PAPPA2: variants seen among roughly 807,000 people sequenced by gnomAD.
The protein encoded by PAPPA2 is pappalysin-2.
Under a neutral mutation model 176.4 loss-of-function variants are expected in PAPPA2, and 86 were observed. That is an observed-to-expected ratio of 0.49 (90% CI 0.41 to 0.58). PAPPA2 has a LOEUF of 0.58. Among genes scored for constraint, PAPPA2 ranks in the 20% least tolerant of loss-of-function variants. The pLI, the probability that PAPPA2 is intolerant of heterozygous loss-of-function variation, is 0.00. For missense variants in PAPPA2, 2,073 were observed against 2,256.9 expected, an observed-to-expected ratio of 0.92 and a Z score of 1.65; for synonymous variants, 809 against 852.2, an observed-to-expected ratio of 0.95 and a Z score of 0.88.
At chr1:176,743,708 A>G (rs948808917) in intron 14 of PAPPA2, among the ~76,000 whole-genome samples, 1 of 152,222 alleles carries the variant, frequency 6.6e-6, no homozygotes, top group African/African-American at 2.4e-5. Context: ...TTACAGACAA[A>G]CAGGACTCTT....
chr1:176,539,752 T>C (rs951530100), intron 1 of PAPPA2, among the ~76,000 whole-genome samples: 1 of 152,216 alleles, frequency 6.6e-6, no homozygotes, highest in Non-Finnish European at 1.5e-5. Context: ...TTTGGACACC[T>C]GATCTTCTGC....
chr1:176,677,319 A>C (rs1384510852), intron 4 of PAPPA2, among the ~76,000 whole-genome samples: 2 of 152,190 alleles, frequency 1.3e-5, no homozygotes, highest in Non-Finnish European at 2.9e-5. Flanking sequence ...GCAGATAAGC[A>C]CACTAGCCTG....
chr1:176,502,022 G>T (rs1647990911), intron 1 of PAPPA2, among the ~76,000 whole-genome samples: 1 of 152,172 alleles, frequency 6.6e-6, no homozygotes, highest in African/African-American at 2.4e-5. Context: ...AACTTCTGAT[G>T]TAAGTTTTTT....
chr1:176,825,323 G>A (rs1666815221), intron 21 of PAPPA2, among the ~76,000 whole-genome samples: 1 of 152,136 alleles, frequency 6.6e-6, no homozygotes, highest in African/African-American at 2.4e-5. Flanking sequence ...TAATTTTAGG[G>A]GTGTTATGCA....
intron 17 of PAPPA2, among the ~76,000 whole-genome samples, chr1:176,773,344 G>C (rs1375915073): frequency 6.6e-6 from 1 of 152,162 alleles, no homozygotes; most frequent in Non-Finnish European, 1.5e-5. Flanking sequence ...ATGTCAGCCT[G>C]GTTCCTTGTA....
chr1:176,814,520 C>T (rs989119513), intron 21 of PAPPA2, among the ~76,000 whole-genome samples: 1 of 151,880 alleles, frequency 6.6e-6, no homozygotes, highest in African/African-American at 2.4e-5. Context: ...AGCTGTATTC[C>T]TAGGTATTTT....
chr1:176,746,700 G>A (rs761853128), intron 14 of PAPPA2, among the ~76,000 whole-genome samples: 3 of 152,078 alleles, frequency 2.0e-5, no homozygotes, highest in Admixed American at 6.6e-5. Context: ...TGATTGAGAT[G>A]GAAAACAAGT....
rs1665294828 is a variant in PAPPA2, at chr1:176,793,775, GCAAA to G, written c.5130+110_5130+113del. 4.0e-6 allele frequency: 3 copies of G among 749,324 alleles called. No individual in the cohort carries two copies. The Admixed American group carries it at 9.7e-5, about 24-fold the overall frequency. The allele number at this position is 749,324 out of a possible 1,614,324, so 46.4% of individuals were successfully genotyped here. A position where few individuals can be genotyped will look rare whatever the true frequency, so the allele number is the denominator to read the frequency against. On this transcript the variant is annotated intron_variant, in intron 20 of 22. Coordinates refer to ENST00000367662, the MANE Select transcript of PAPPA2 (RefSeq NM_020318.3). ...CAGAGGCTTTCAAAGCATCCTCAAAGCAAACAACCACATGGATTATTCCTAGAAA... is the reference window on the plus strand; with the variant it reads ...CAGAGGCTTTCAAAGCATCCTCAAAGCAACCACATGGATTATTCCTAGAAA...
intron 3 of PAPPA2, among the ~76,000 whole-genome samples, chr1:176,655,032 T>A (rs74363949): frequency 0.036 from 5,432 of 151,864 alleles, 333 homozygotes; most frequent in African/African-American, 0.12. Context: ...TAATTTGACC[T>A]CTTCTTTTCT....
chr1:176,486,645 G>A (rs781592045), intron 1 of PAPPA2, among the ~76,000 whole-genome samples: 9 of 152,206 alleles, frequency 5.9e-5, no homozygotes, highest in Admixed American at 3.3e-4. Context: ...AAAATCACAA[G>A]CACAGGCCTA....
chr1:176,598,667 A>C (rs187057901), intron 3 of PAPPA2, among the ~76,000 whole-genome samples: 9 of 152,156 alleles, frequency 5.9e-5, no homozygotes, highest in Non-Finnish European at 1.5e-5. Flanking sequence ...ATTTATGAAA[A>C]TGTTCCCCTC....
At position 176,739,640 on chromosome 1, in the gene PAPPA2, A is replaced by G. The variant is rs775167184; in HGVS notation, c.3813A>G (p.Arg1271=). ...DEVWLKVCFN[R]PGEARAIFIF... The stretch of plus-strand genomic sequence containing the variant: ...CTTATGCTTAGGTGTGTTTCAATAG[A>G]CCAGGAGAGGCCAGAGCAATTTTTA... Residue 1271 remains arginine, a synonymous_variant, in exon 13 of 23, where the codon AGA becomes AGG. Transcript: ENST00000367662. 1 of 1,613,294 alleles carries G rather than the reference A, an allele frequency of 6.2e-7. No homozygotes were observed. The highest frequency in any genetic ancestry group is 8.5e-7 in the Non-Finnish European group (1 of 1,179,516).
intron 1 of PAPPA2, among the ~76,000 whole-genome samples, chr1:176,521,071 AGT>A (rs71643354): frequency 0.27 from 40,754 of 149,574 alleles, 6,210 homozygotes; most frequent in African/African-American, 0.41. Flanking sequence ...ATAACACTGG[AGT>A]GTGTGTGTGT....
At chr1:176,549,725 C>A (rs898841697) in intron 1 of PAPPA2, among the ~76,000 whole-genome samples, 4 of 152,158 alleles carry the variant, frequency 2.6e-5, no homozygotes, top group Non-Finnish European at 5.9e-5. Context: ...AGCACCTAAC[C>A]ACCACCAAGC....
intron 3 of PAPPA2, among the ~76,000 whole-genome samples, chr1:176,636,553 CT>C: frequency 6.6e-6 from 1 of 152,238 alleles, no homozygotes; most frequent in East Asian, 1.9e-4. Flanking sequence ...TAAGTTGAAC[CT>C]AAATATTTGG....
At chr1:176,713,624 C>G (rs1240428895) in intron 12 of PAPPA2, among the ~76,000 whole-genome samples, 1 of 152,104 alleles carries the variant, frequency 6.6e-6, no homozygotes, top group African/African-American at 2.4e-5. Flanking sequence ...TTGTTTAAAG[C>G]ATTGCTAATT....
chr1:176,738,507 A>G (rs1295063186), intron 12 of PAPPA2, among the ~76,000 whole-genome samples: 1 of 152,140 alleles, frequency 6.6e-6, no homozygotes, highest in Non-Finnish European at 1.5e-5. Flanking sequence ...TTTTAGAGGA[A>G]GGCCCTGTCA....
chr1:176,680,390 A>AT (rs1441977707), intron 4 of PAPPA2, among the ~76,000 whole-genome samples: 1 of 151,542 alleles, frequency 6.6e-6, no homozygotes, highest in East Asian at 1.9e-4. Context: ...ATATACATAT[A>AT]TTTTTTCAGT....
intron 3 of PAPPA2, among the ~76,000 whole-genome samples, chr1:176,596,487 A>T (rs1262865480): frequency 6.6e-6 from 1 of 152,200 alleles, no homozygotes; most frequent in Non-Finnish European, 1.5e-5. Context: ...ACCTACTTAG[A>T]TGTTACCACC....
Sources: allele counts gnomAD v4.1 joint callset (sites outside exome capture counted in the v4.1 genomes callset), GRCh38; gene constraint gnomAD v4.1.1; transcripts MANE v1.5; gene names NCBI Gene and HGNC (gene_info 2026-07-23, HGNC 2026-07-21).